The following C8orf34 variants were observed in gnomAD, a reference collection of about 807,000 sequenced individuals.
The protein encoded by C8orf34 is uncharacterized protein C8orf34.
Under a neutral mutation model 68.3 loss-of-function variants are expected in C8orf34, and 65 were observed. That is an observed-to-expected ratio of 0.95 (90% CI 0.78 to 1.17). The LOEUF is 1.17. Ranked by LOEUF, C8orf34 falls within the 50% of genes most tolerant of loss-of-function variation. The pLI is 0.00. For synonymous variants in C8orf34, 244 were observed against 241.2 expected (o/e 1.01, Z -0.11); for missense variants, 664 against 655.4 (o/e 1.01, Z -0.14).
rs11996274 is a variant in C8orf34 at position 68,741,146 on chromosome 8, C to T, written c.1404+19709C>T. 7.8e-3 allele frequency among the ~76,000 whole-genome samples: 1,179 copies of T among 151,932 alleles called. 20 individuals are homozygous for T. The highest frequency in any genetic ancestry group is 0.062 in the East Asian group (319 of 5,148). The stretch of plus-strand genomic sequence containing the variant: ...GGTACTGGGCTGAATAGCTGGATGA[C>T]GAAATAACGTGTTCGACAAACCCCT... On this transcript the variant is annotated intron_variant, in intron 10 of 13. Transcript: ENST00000518698.
intron 8 of C8orf34, among the ~76,000 whole-genome samples, chr8:68,689,221 A>G (rs925684044): frequency 3.3e-5 from 5 of 151,994 alleles, no homozygotes; most frequent in African/African-American, 1.2e-4. Context: ...AGAGAGATAT[A>G]ATGGACTTTG....
chr8:68,579,473 T>A (rs1563541697), intron 7 of C8orf34, among the ~76,000 whole-genome samples: 1 of 152,180 alleles, frequency 6.6e-6, no homozygotes. Context: ...AATACCTGTC[T>A]CTTGGCCAAC....
chr8:68,732,109 C>CA (rs1185240467), intron 10 of C8orf34, among the ~76,000 whole-genome samples: 2 of 152,158 alleles, frequency 1.3e-5, no homozygotes, highest in Admixed American at 6.5e-5. Context: ...CTTTGGAGAA[C>CA]AAAAATCACA....
intron 7 of C8orf34, among the ~76,000 whole-genome samples, chr8:68,593,467 G>T (rs1184753313): frequency 2.0e-5 from 3 of 151,862 alleles, no homozygotes; most frequent in Non-Finnish European, 4.4e-5. Flanking sequence ...ACTTAGTCTA[G>T]GGGTTTTTGT....
intron 7 of C8orf34, among the ~76,000 whole-genome samples, chr8:68,562,522 C>G (rs758645661): frequency 2.0e-5 from 3 of 152,168 alleles, no homozygotes; most frequent in Non-Finnish European, 4.4e-5. Flanking sequence ...AGTGTTCCAA[C>G]AGTTCCAACA....
chr8:68,788,885 G>T (rs1037202737), intron 12 of C8orf34, among the ~76,000 whole-genome samples: 25 of 151,986 alleles, frequency 1.6e-4, no homozygotes, highest in Non-Finnish European at 2.9e-5. Context: ...AACTGATAAA[G>T]ATGGAGAAAG....
At chr8:68,772,994 C>G (rs577290106) in intron 10 of C8orf34, among the ~76,000 whole-genome samples, 5 of 151,904 alleles carry the variant, frequency 3.3e-5, no homozygotes, top group African/African-American at 1.2e-4. Flanking sequence ...CTTTGTTTTT[C>G]AAGGGAAATT....
Position 68,818,491 on chromosome 8 carries a change from G to C in C8orf34, c.*245G>C. Reference sequence around the variant, plus strand: ...GCCTTTTGACATGGTTAGAGTCCTGGGTTTAGATTACTTTATAAATAGTTA... The same window carrying C: ...GCCTTTTGACATGGTTAGAGTCCTGCGTTTAGATTACTTTATAAATAGTTA... On this transcript the variant is annotated 3_prime_UTR_variant, in exon 14 of 14. Transcript: ENST00000518698. The C allele has an allele frequency of 2.4e-6, 1 of 421,876 alleles. No individual in the cohort carries two copies. Among genetic ancestry groups the C allele is most frequent in the Non-Finnish European group, 4.3e-6 (1 of 234,236 alleles). 26.1% of individuals were successfully genotyped at this position (421,876 alleles called of 1,614,324 possible). A position where few individuals can be genotyped will look rare whatever the true frequency, so the allele number is the denominator to read the frequency against.
At chr8:68,764,292 G>A (rs1823107646) in intron 10 of C8orf34, among the ~76,000 whole-genome samples, 1 of 152,178 alleles carries the variant, frequency 6.6e-6, no homozygotes, top group African/African-American at 2.4e-5. Flanking sequence ...TTTGAAACCG[G>A]CCTTCTAAGT....
intron 10 of C8orf34, among the ~76,000 whole-genome samples, chr8:68,742,850 G>A (rs1822343390): frequency 6.6e-6 from 1 of 152,092 alleles, no homozygotes; most frequent in African/African-American, 2.4e-5. Context: ...TCATCCTTCT[G>A]TGGAAATTGA....
At chr8:68,584,174 CAGGT>C (rs1817142103) in intron 7 of C8orf34, among the ~76,000 whole-genome samples, 1 of 152,154 alleles carries the variant, frequency 6.6e-6, no homozygotes, top group African/African-American at 2.4e-5. Flanking sequence ...ATGCATTGCA[CAGGT>C]AGTATTAGAA....
intron 10 of C8orf34, among the ~76,000 whole-genome samples, chr8:68,739,569 C>T (rs1822220850): frequency 6.6e-6 from 1 of 152,040 alleles, no homozygotes; most frequent in Non-Finnish European, 1.5e-5. Flanking sequence ...AATTACAAAA[C>T]ACTGCTCAAA....
intron 7 of C8orf34, among the ~76,000 whole-genome samples, chr8:68,593,077 A>C (rs1817445295): frequency 6.6e-6 from 1 of 152,078 alleles, no homozygotes; most frequent in Non-Finnish European, 1.5e-5. Context: ...GTCCTCATCT[A>C]TCGTTACATT....
intron 7 of C8orf34, among the ~76,000 whole-genome samples, chr8:68,537,161 G>A (rs972909302): frequency 6.6e-6 from 1 of 152,044 alleles, no homozygotes; most frequent in African/African-American, 2.4e-5. Context: ...TTTGCCTAAT[G>A]AGAAATGAAT....
At chr8:68,630,204 A>G (rs1170564384) in intron 7 of C8orf34, among the ~76,000 whole-genome samples, 3 of 152,122 alleles carry the variant, frequency 2.0e-5, no homozygotes, top group Non-Finnish European at 4.4e-5. Context: ...AATAATTTTA[A>G]ATTTTCTAGT....
intron 12 of C8orf34, among the ~76,000 whole-genome samples, chr8:68,814,757 T>G (rs16935098): frequency 0.15 from 22,555 of 152,166 alleles, 1,888 homozygotes; most frequent in East Asian, 0.43. Context: ...TTTCCATTTT[T>G]CTGCAGAATG....
At chr8:68,726,104 T>C (rs1386306314) in intron 10 of C8orf34, among the ~76,000 whole-genome samples, 1 of 152,106 alleles carries the variant, frequency 6.6e-6, no homozygotes, top group Non-Finnish European at 1.5e-5. Flanking sequence ...AGACCAGGTT[T>C]CACCATGTTG....
At chr8:68,804,702 C>T (rs7815189) in intron 12 of C8orf34, among the ~76,000 whole-genome samples, 12,926 of 151,990 alleles carry the variant, frequency 0.085, 1,177 homozygotes, top group African/African-American at 0.23. Flanking sequence ...TCACCTGAGC[C>T]GGGGAGGTCG....
intron 1 of C8orf34, among the ~76,000 whole-genome samples, chr8:68,354,990 A>G (rs1283853086): frequency 1.3e-5 from 2 of 152,130 alleles, no homozygotes; most frequent in African/African-American, 2.4e-5. Context: ...TTGGAAAAAA[A>G]AAACATTGAA....
Sources: gnomAD v4.1 joint callset for allele counts (sites outside exome capture counted in the v4.1 genomes callset) on GRCh38, gnomAD v4.1.1 for gene constraint, MANE v1.5 for transcripts, NCBI Gene and HGNC (gene_info 2026-07-23, HGNC 2026-07-21) for gene names.